HS6ST3: variants seen among roughly 807,000 people sequenced by gnomAD.
HS6ST3 encodes the protein heparan-sulfate 6-O-sulfotransferase 3.
A neutral mutation model predicts 36.7 loss-of-function variants in HS6ST3; 12 were observed. The observed-to-expected ratio is 0.33, with a 90% CI of 0.21 to 0.53. The LOEUF (loss-of-function observed/expected upper bound fraction) is 0.53, where lower values mean the gene tolerates loss of function less well. Among genes scored for constraint, HS6ST3 ranks in the 20% least tolerant of loss-of-function variants. The pLI is 0.95. For synonymous variants in HS6ST3, 240 were observed against 257.5 expected, an observed-to-expected ratio of 0.93 and a Z score of 0.65; for missense variants, 584 against 640.9, an observed-to-expected ratio of 0.91 and a Z score of 0.96.
At chr13:96,495,302 G>A (rs141121521) in intron 1 of HS6ST3, among the ~76,000 whole-genome samples, 261 of 152,228 alleles carry the variant, frequency 1.7e-3, no homozygotes, top group African/African-American at 6.1e-3. Flanking sequence ...GGTCATTGTC[G>A]CTTGTAAGAA....
intron 1 of HS6ST3, among the ~76,000 whole-genome samples, chr13:96,327,042 T>A (rs1419122924): frequency 7.0e-6 from 1 of 141,854 alleles, no homozygotes. Flanking sequence ...TTTTTTCTTG[T>A]AAATTTTTTT....
intron 1 of HS6ST3, among the ~76,000 whole-genome samples, chr13:96,153,042 C>T (rs1389360739): frequency 6.6e-6 from 1 of 152,174 alleles, no homozygotes; most frequent in Non-Finnish European, 1.5e-5. Flanking sequence ...ATACAATCTC[C>T]TCCCAGAGCT....
chr13:96,182,490 A>G (rs978258480), intron 1 of HS6ST3, among the ~76,000 whole-genome samples: 1 of 152,220 alleles, frequency 6.6e-6, no homozygotes, highest in East Asian at 1.9e-4. Context: ...CATGGGTAAT[A>G]TTCTTAAGTT....
At chr13:96,547,074 T>C (rs1428250588) in intron 1 of HS6ST3, among the ~76,000 whole-genome samples, 1 of 152,214 alleles carries the variant, frequency 6.6e-6, no homozygotes, top group Admixed American at 6.5e-5. Flanking sequence ...GTGGTTCCAT[T>C]ACCCCTGGCA....
At chr13:96,302,039 T>G (rs936541557) in intron 1 of HS6ST3, among the ~76,000 whole-genome samples, 2 of 151,744 alleles carry the variant, frequency 1.3e-5, no homozygotes, top group Non-Finnish European at 2.9e-5. Flanking sequence ...CAAATTGGCA[T>G]GTATAAGAAA....
At chr13:96,161,264 T>TA (rs1168521695) in intron 1 of HS6ST3, among the ~76,000 whole-genome samples, 2 of 152,112 alleles carry the variant, frequency 1.3e-5, no homozygotes, top group African/African-American at 4.8e-5. Context: ...GGAGACCTTA[T>TA]AGAGGCCCAG....
chr13:96,178,831 A>G (rs1475044264), intron 1 of HS6ST3, among the ~76,000 whole-genome samples: 1 of 152,194 alleles, frequency 6.6e-6, no homozygotes, highest in Non-Finnish European at 1.5e-5. Flanking sequence ...CCCATTGAGC[A>G]CATATCTGAT....
At chr13:96,323,311 T>C (rs1325983560) in intron 1 of HS6ST3, among the ~76,000 whole-genome samples, 1 of 152,180 alleles carries the variant, frequency 6.6e-6, no homozygotes, top group Non-Finnish European at 1.5e-5. Context: ...CTCTGGGTGT[T>C]CAAACTAAAA....
intron 1 of HS6ST3, among the ~76,000 whole-genome samples, chr13:96,730,740 T>A (rs1276455345): frequency 2.0e-5 from 3 of 151,722 alleles, no homozygotes; most frequent in Admixed American, 6.6e-5. Context: ...GCGAATTTTT[T>A]AAATTTTTGT....
intron 1 of HS6ST3, among the ~76,000 whole-genome samples, chr13:96,550,653 T>A (rs2056216225): frequency 6.6e-6 from 1 of 151,154 alleles, no homozygotes; most frequent in Non-Finnish European, 1.5e-5. Context: ...TATTTTATGT[T>A]TTTTTTTTGT....
At chr13:96,703,944 T>G (rs1875354470) in intron 1 of HS6ST3, among the ~76,000 whole-genome samples, 1 of 152,184 alleles carries the variant, frequency 6.6e-6, no homozygotes, top group African/African-American at 2.4e-5. Context: ...CAAGCTGCCA[T>G]GTAAGACATG....
At chr13:96,468,469 TACACACATAC>T (rs1275118347) in intron 1 of HS6ST3, among the ~76,000 whole-genome samples, 84 of 46,240 alleles carry the variant, frequency 1.8e-3, no homozygotes, top group African/African-American at 3.1e-3. Flanking sequence ...TAACAGGACA[TACACACATAC>T]ACACACACAC....
At chr13:96,113,364 C>A (rs1010976419) in intron 1 of HS6ST3, among the ~76,000 whole-genome samples, 2 of 152,114 alleles carry the variant, frequency 1.3e-5, no homozygotes, top group African/African-American at 2.4e-5. Flanking sequence ...CCCTGCCCCC[C>A]ATTAACAGAT....
intron 1 of HS6ST3, among the ~76,000 whole-genome samples, chr13:96,355,392 C>A (rs867062899): frequency 7.1e-6 from 1 of 141,258 alleles, no homozygotes; most frequent in African/African-American, 3.0e-5. Flanking sequence ...CACACACACA[C>A]ACACACACAC....
intron 1 of HS6ST3, among the ~76,000 whole-genome samples, chr13:96,533,979 C>T (rs567469647): frequency 2.1e-4 from 32 of 152,294 alleles, no homozygotes; most frequent in African/African-American, 6.7e-4. Flanking sequence ...TCATTCATTC[C>T]GCCCATCAGG....
At chr13:96,458,306 TAAAA>T (rs199923107) in intron 1 of HS6ST3, among the ~76,000 whole-genome samples, 10 of 151,520 alleles carry the variant, frequency 6.6e-5, no homozygotes, top group African/African-American at 2.4e-4. Context: ...TATTGCTAGT[TAAAA>T]AAAAGAGAGA....
At chr13:96,730,967 A>G (rs909234335) in intron 1 of HS6ST3, among the ~76,000 whole-genome samples, 1 of 152,138 alleles carries the variant, frequency 6.6e-6, no homozygotes, top group African/African-American at 2.4e-5. Context: ...CCTGGGCTCA[A>G]GCGATCCTCC....
intron 1 of HS6ST3, among the ~76,000 whole-genome samples, chr13:96,322,311 G>A (rs1377215179): frequency 2.6e-5 from 4 of 151,392 alleles, no homozygotes; most frequent in Non-Finnish European, 2.9e-5. Context: ...TTGAGAGGCC[G>A]AGGCGGGCGG....
rs1878687436 is a variant in HS6ST3, at chr13:96,828,113, C to T, written c.708-4377C>T. 2.0e-5 allele frequency among the ~76,000 whole-genome samples: 3 copies of T among 152,252 alleles called. No individual in the cohort carries two copies. In the South Asian group the frequency reaches 6.2e-4, roughly 32 times the overall value. On this transcript the variant is annotated intron_variant, in intron 1 of 1. Coordinates refer to ENST00000376705, the MANE Select transcript of HS6ST3 (RefSeq NM_153456.4). ...ATTGTCATTCTGTCACAGTGAAAGA[C>T]AACAGTCATGGAAAATGGTGATTGG... is the stretch of plus-strand genomic sequence containing the variant.
Sources: gnomAD v4.1 joint callset for allele counts (sites outside exome capture counted in the v4.1 genomes callset) on GRCh38, gnomAD v4.1.1 for gene constraint, MANE v1.5 for transcripts, NCBI Gene and HGNC (gene_info 2026-07-23, HGNC 2026-07-21) for gene names.